PAPPA2: variants seen among roughly 807,000 people sequenced by gnomAD.
PAPPA2 encodes the protein pappalysin 2.
Under a neutral mutation model 176.4 loss-of-function variants are expected in PAPPA2, and 86 were observed. The ratio of observed to expected loss-of-function variants is 0.49; its 90% CI spans 0.41 to 0.58. PAPPA2 has a LOEUF of 0.58. Ranked by LOEUF, PAPPA2 falls within the 20% of genes least tolerant of loss-of-function variation. The pLI is 0.00. For missense variants in PAPPA2, 2,073 were observed against 2,256.9 expected (o/e 0.92, Z 1.65); for synonymous variants, 809 against 852.2 (o/e 0.95, Z 0.88).
At chr1:176,602,347 G>A (rs1358552342) in intron 3 of PAPPA2, among the ~76,000 whole-genome samples, 2 of 152,144 alleles carry the variant, frequency 1.3e-5, no homozygotes, top group African/African-American at 4.8e-5. Flanking sequence ...TTGTCCTGAG[G>A]GATATGGCAG....
chr1:176,585,754 G>A (rs190190886), intron 2 of PAPPA2, among the ~76,000 whole-genome samples: 8 of 151,846 alleles, frequency 5.3e-5, no homozygotes, highest in Middle Eastern at 6.8e-3. Context: ...CTTCTACTTG[G>A]TCTAATCTGT....
At chr1:176,801,333 C>CCT (rs1338791027) in intron 21 of PAPPA2, among the ~76,000 whole-genome samples, 5 of 152,094 alleles carry the variant, frequency 3.3e-5, no homozygotes, top group African/African-American at 1.2e-4. Context: ...ACACCCAACC[C>CCT]ACATGCATGT....
rs780328164 is a variant in PAPPA2 at position 176,690,343 on chromosome 1, C to T, written c.2344C>T (p.Leu782=). 27 of 1,614,168 alleles carry T rather than the reference C, an allele frequency of 1.7e-5. No homozygotes were observed. The highest frequency in any genetic ancestry group is 2.3e-5 in the Non-Finnish European group (27 of 1,180,024). The change falls in exon 5 of 23, where the codon CTG becomes TTG. Residue 782 remains leucine, a synonymous_variant. Coordinates refer to ENST00000367662, the MANE Select transcript of PAPPA2 (RefSeq NM_020318.3). ...ADTAPTPKSE[L]CREPEPTSDT... ...CACCGCCCCCACTCCCAAGAGTGAG[C>T]TGTGCCGGGAACCAGAGCCCACTAG...
chr1:176,533,591 C>T (rs1399112013), intron 1 of PAPPA2, among the ~76,000 whole-genome samples: 3 of 152,214 alleles, frequency 2.0e-5, no homozygotes, highest in Non-Finnish European at 4.4e-5. Flanking sequence ...CTCCTCCCTG[C>T]CACTTCTACA....
At chr1:176,729,708 G>T (rs971395664) in intron 12 of PAPPA2, among the ~76,000 whole-genome samples, 3 of 151,970 alleles carry the variant, frequency 2.0e-5, no homozygotes, top group African/African-American at 7.2e-5. Context: ...ATTGTGCATG[G>T]CCAAGAAGTC....
intron 1 of PAPPA2, among the ~76,000 whole-genome samples, chr1:176,537,719 A>AGTATGTGT (rs1553358725): frequency 1.4e-5 from 2 of 143,828 alleles, no homozygotes; most frequent in African/African-American, 5.2e-5. Flanking sequence ...GTAGGTATGG[A>AGTATGTGT]GTGTGTGTGT....
Position 176,706,361 on chromosome 1 carries a change from G to C in PAPPA2, c.3368G>C (p.Arg1123Thr). The change falls in exon 10 of 23, where the codon AGA becomes ACA. Residue 1123 changes from arginine (R) to threonine (T), a missense_variant and splice_region_variant. By Grantham distance (71) the Arg-to-Thr change is moderately conservative. Transcript: ENST00000367662. ...PYCGDGKVSERLGEECDDGDL... is the reference protein window; with the variant it reads ...PYCGDGKVSETLGEECDDGDL... ...TGCATATATATTTTACCCTCTAGGA[G>C]ACTGGGAGAAGAGTGTGATGATGGA... 1.9e-6 allele frequency: 3 copies of C among 1,613,622 alleles called. No individual in the cohort carries two copies. Among genetic ancestry groups the C allele is most frequent in the Non-Finnish European group, 2.5e-6 (3 of 1,179,630 alleles).
chr1:176,814,409 TC>T (rs1220816844), intron 21 of PAPPA2, among the ~76,000 whole-genome samples: 1 of 152,218 alleles, frequency 6.6e-6, no homozygotes, highest in Non-Finnish European at 1.5e-5. Flanking sequence ...ATTCTTCCCA[TC>T]CATGAGCATG....
At chr1:176,795,269 G>A (rs1395660864) in intron 20 of PAPPA2, among the ~76,000 whole-genome samples, 1 of 152,032 alleles carries the variant, frequency 6.6e-6, no homozygotes. Flanking sequence ...TACTGCTGAG[G>A]GTGGAAATGA....
intron 12 of PAPPA2, among the ~76,000 whole-genome samples, chr1:176,734,435 G>T (rs959186598): frequency 6.6e-6 from 1 of 151,788 alleles, no homozygotes; most frequent in Admixed American, 6.6e-5. Flanking sequence ...AACTCATGAT[G>T]TGTTTGTAGC....
intron 1 of PAPPA2, among the ~76,000 whole-genome samples, chr1:176,527,429 C>T (rs1353291447): frequency 2.6e-5 from 4 of 152,182 alleles, no homozygotes; most frequent in Non-Finnish European, 5.9e-5. Context: ...TTTCTTCCTA[C>T]TTCTGTCTTG....
intron 9 of PAPPA2, 148 bp downstream of exon 9, chr1:176,702,883 GGC>G (rs1660728401): frequency 8.9e-7 from 1 of 1,126,846 alleles, no homozygotes. Context: ...TAGGGAGCAA[GGC>G]ACCATTTGAT....
chr1:176,656,318 A>T (rs1163320670), intron 3 of PAPPA2, among the ~76,000 whole-genome samples: 1 of 151,776 alleles, frequency 6.6e-6, no homozygotes, highest in Non-Finnish European at 1.5e-5. Context: ...TATCTGAAAC[A>T]GCCAAACTCC....
At chr1:176,761,573 T>C (rs185628243) in intron 14 of PAPPA2, among the ~76,000 whole-genome samples, 80 of 152,344 alleles carry the variant, frequency 5.3e-4, no homozygotes, top group Non-Finnish European at 1.1e-3. Context: ...AGATATGCTA[T>C]GTTTTTCCCT....
At chr1:176,510,557 A>C (rs1044498863) in intron 1 of PAPPA2, among the ~76,000 whole-genome samples, 1 of 152,172 alleles carries the variant, frequency 6.6e-6, no homozygotes, top group Non-Finnish European at 1.5e-5. Context: ...TTAGAGCTAC[A>C]TACAGACATA....
chr1:176,581,904 T>A (rs1652992784), intron 2 of PAPPA2, among the ~76,000 whole-genome samples: 1 of 134,784 alleles, frequency 7.4e-6, no homozygotes, highest in African/African-American at 2.8e-5. Flanking sequence ...TTTTCTTTTT[T>A]TCTTTCTTTC....
chr1:176,658,163 G>A (rs992626074), intron 3 of PAPPA2, among the ~76,000 whole-genome samples: 3 of 151,952 alleles, frequency 2.0e-5, no homozygotes, highest in Non-Finnish European at 4.4e-5. Context: ...ATGCCACAGT[G>A]GTGCTGGCCA....
intron 1 of PAPPA2, among the ~76,000 whole-genome samples, chr1:176,481,903 G>C (rs1283289595): frequency 6.6e-6 from 1 of 151,742 alleles, no homozygotes; most frequent in Non-Finnish European, 1.5e-5. Flanking sequence ...GTAGAGATCT[G>C]GTTTCACCAT....
At chr1:176,738,663 C>G (rs1181751752) in intron 12 of PAPPA2, among the ~76,000 whole-genome samples, 3 of 151,918 alleles carry the variant, frequency 2.0e-5, no homozygotes, top group Non-Finnish European at 2.9e-5. Flanking sequence ...AATATAACAC[C>G]AGGGAAAGTT....
Sources: gnomAD v4.1 joint callset for allele counts (sites outside exome capture counted in the v4.1 genomes callset) on GRCh38, gnomAD v4.1.1 for gene constraint, MANE v1.5 for transcripts, NCBI Gene and HGNC (gene_info 2026-07-23, HGNC 2026-07-21) for gene names.